The following PINK1 variants were observed in gnomAD, a reference collection of about 807,000 sequenced individuals.
The protein encoded by PINK1 is PTEN induced kinase 1.
In PINK1, 58 loss-of-function variants were observed where a neutral mutation model predicts 56.0. That is an observed-to-expected ratio of 1.04 (90% CI 0.84 to 1.29). The LOEUF is 1.29. Among genes scored for constraint, PINK1 ranks in the 50% most tolerant of loss-of-function variants. PINK1 has a pLI of 0.00. For missense variants in PINK1, 745 were observed against 777.9 expected (o/e 0.96, Z 0.50); for synonymous variants, 354 against 339.3 (o/e 1.04, Z -0.48).
At position 20,644,413 on chromosome 1, in the gene PINK1, G is replaced by C; in HGVS notation, c.777-77G>C. The C allele has an allele frequency of 2.1e-6, 3 of 1,427,932 alleles. No homozygotes were observed. In the Admixed American group the frequency reaches 5.0e-5, roughly 24 times the overall value. The allele number at this position is 1,427,932 out of a possible 1,614,324, so 88.5% of individuals were successfully genotyped here. A position where few individuals can be genotyped will look rare whatever the true frequency, so the allele number is the denominator to read the frequency against. The stretch of plus-strand genomic sequence containing the variant: ...AATAATGAATGTCAGTGCCAGTGTT[G>C]GTGTGGCCTTAGGTTATTCTTTCCA... On this transcript the variant is annotated intron_variant, in intron 3 of 7. Coordinates refer to ENST00000321556, the MANE Select transcript of PINK1 (RefSeq NM_032409.3).
chr1:20,650,674 T>C lies in PINK1; in HGVS notation c.1729T>C (p.Trp577Arg), dbSNP rs747133533. 1.9e-5 allele frequency: 30 copies of C among 1,613,814 alleles called. No individual in the cohort carries two copies. Among genetic ancestry groups the C allele is most frequent in the Middle Eastern group, 1.6e-4 (1 of 6,084 alleles). ...LCQAALLLCS[W>R]RAAL The stretch of plus-strand genomic sequence containing the variant: ...CCAGGCAGCCCTCCTCCTCTGCTCA[T>C]GGAGGGCAGCCCTGTGATGTCCCTG... The change falls in exon 8 of 8, where the codon TGG becomes CGG. Residue 577 changes from tryptophan to arginine, a missense_variant. Trp to Arg is a moderately radical substitution (Grantham distance 101, BLOSUM62 -3). Coordinates refer to ENST00000321556, the MANE Select transcript of PINK1 (RefSeq NM_032409.3).
At chr1:20,639,419 A>C in intron 2 of PINK1, 1 of 251,288 alleles carries the variant, frequency 4.0e-6, no homozygotes, top group East Asian at 8.9e-5. Context: ...TGCTTTCCCC[A>C]CTCTTTGGTT....
rs1179973655 is a variant in PINK1 at position 20,650,509 on chromosome 1, C to G, written c.1564C>G (p.Leu522Val). The G allele has an allele frequency of 6.2e-7, 1 of 1,614,216 alleles. No homozygotes were observed. Among genetic ancestry groups the G allele is most frequent in the African/African-American group, 1.3e-5 (1 of 75,048 alleles). ...WGEHILALKN[L>V]KLDKMVGWLL... ...TGAACATATTCTAGCCCTGAAGAAT[C>G]TGAAGTTAGACAAGATGGTTGGCTG... The change falls in exon 8 of 8, where the codon CTG becomes GTG. Residue 522 changes from leucine to valine, a missense_variant. By Grantham distance (32) the Leu-to-Val change is conservative. Coordinates refer to ENST00000321556, the MANE Select transcript of PINK1 (RefSeq NM_032409.3).
At position 20,633,676 on chromosome 1, in the gene PINK1, G is replaced by T; in HGVS notation, c.128G>T (p.Gly43Val). 4 of 1,393,096 alleles carry T rather than the reference G, an allele frequency of 2.9e-6. No individual in the cohort carries two copies. Among genetic ancestry groups the T allele is most frequent in the Non-Finnish European group, 3.7e-6 (4 of 1,082,040 alleles). 86.3% of individuals were successfully genotyped at this position (1,393,096 alleles called of 1,614,324 possible). ...GGCCCGGCGGCGGGCTGTGTCCGCG[G>T]GGAGCGTCCAGGCTGGGCCGCAGGA... ...RPGPAAGCVR[G>V]ERPGWAAGPG... The change falls in exon 1 of 8, where the codon GGG becomes GTG. Residue 43 changes from glycine (G) to valine (V), a missense_variant. Transcript: ENST00000321556.
At chr1:20,637,819 G>A (rs1225294263) in intron 1 of PINK1, 23 bp from the exon 2 acceptor site, 20 of 1,613,014 alleles carry the variant, frequency 1.2e-5, no homozygotes, top group African/African-American at 1.1e-4. Flanking sequence ...CCTGGCTCAC[G>A]GTGCATTCTT....
chr1:20,645,246 T>G (rs1374523743), intron 4 of PINK1, among the ~76,000 whole-genome samples: 2 of 152,166 alleles, frequency 1.3e-5, no homozygotes, highest in Admixed American at 6.5e-5. Context: ...CCCAGCACTT[T>G]GGAAGGCGGA....
At chr1:20,646,691 C>T (rs1570405808) in intron 5 of PINK1, among the ~76,000 whole-genome samples, 1 of 151,818 alleles carries the variant, frequency 6.6e-6, no homozygotes, top group African/African-American at 2.4e-5. Context: ...GAAAGCTGTC[C>T]AAATGTAAGC....
chr1:20,647,516 G>A (rs1184645824), intron 5 of PINK1, among the ~76,000 whole-genome samples: 1 of 137,312 alleles, frequency 7.3e-6, no homozygotes, highest in Non-Finnish European at 1.5e-5. Flanking sequence ...TGTCGCCCAG[G>A]CTGGAGTGCA....
rs781109505 is a variant in PINK1, at chr1:20,637,821, TG to T, written c.388-20del. On this transcript the variant is annotated intron_variant, in intron 1 of 7. Transcript: ENST00000321556. ...CCTTCCTAGGCTCCCTGGCTCACGGTGCATTCTTTTCTCATCACAGGCAATT... is the reference window on the plus strand; with the variant it reads ...CCTTCCTAGGCTCCCTGGCTCACGGTCATTCTTTTCTCATCACAGGCAATT... The T allele has an allele frequency of 6.2e-7, 1 of 1,613,356 alleles. No individual in the cohort carries two copies. The highest frequency in any genetic ancestry group is 1.1e-5 in the South Asian group (1 of 91,030).
At chr1:20,642,058 G>T (rs945370795) in intron 3 of PINK1, among the ~76,000 whole-genome samples, 1 of 152,210 alleles carries the variant, frequency 6.6e-6, no homozygotes, top group African/African-American at 2.4e-5. Flanking sequence ...TAGAACAGGG[G>T]CCACTCAGGT....
chr1:20,633,566 G>T lies in PINK1; in HGVS notation c.18G>T (p.Ala6=), dbSNP rs1297865995. The T allele has an allele frequency of 9.2e-6, 11 of 1,190,256 alleles. No homozygotes were observed. The East Asian group carries it at 1.5e-4, about 16-fold the overall frequency. 73.7% of individuals were successfully genotyped at this position (1,190,256 alleles called of 1,614,324 possible). MAVRQ[A]LGRGLQLGRA... ...GCGCCACCATGGCGGTGCGACAGGC[G>T]CTGGGCCGCGGCCTGCAGCTGGGTC... The change falls in exon 1 of 8, where the codon GCG becomes GCT. Residue 6 remains alanine (A), a synonymous_variant. Transcript: ENST00000321556.
At chr1:20,638,255 A>G in intron 2 of PINK1, 126 bp downstream of exon 2, 3 of 1,144,940 alleles carry the variant, frequency 2.6e-6, no homozygotes, top group Non-Finnish European at 3.7e-6. Flanking sequence ...AGGTGCCTGT[A>G]TAGTCAGGTT....
Position 20,633,751 on chromosome 1 carries a change from G to T in PINK1, c.203G>T (p.Arg68Leu). The T allele has an allele frequency of 6.5e-7, 1 of 1,545,994 alleles. No individual in the cohort carries two copies. ...RVGLGLPNRLRFFRQSVAGLA... is the reference protein window; with the variant it reads ...RVGLGLPNRLLFFRQSVAGLA... Reference sequence around the variant, plus strand: ...GGGCTCGGGCTCCCTAACCGTCTCCGCTTCTTCCGCCAGTCGGTGGCCGGG... The same window carrying T: ...GGGCTCGGGCTCCCTAACCGTCTCCTCTTCTTCCGCCAGTCGGTGGCCGGG... Residue 68 changes from arginine (R) to leucine (L), a missense_variant, in exon 1 of 8, where the codon CGC (arginine) becomes CTC (leucine). Transcript: ENST00000321556.
Position 20,637,928 on chromosome 1 carries a change from A to G in PINK1, c.474A>G (p.Ile158Met), listed in dbSNP as rs374204111. Residue 158 changes from isoleucine to methionine, a missense_variant, in exon 2 of 8, where the codon ATA (isoleucine) becomes ATG (methionine). By Grantham distance (10) the Ile-to-Met change is conservative. Coordinates refer to ENST00000321556, the MANE Select transcript of PINK1 (RefSeq NM_032409.3). ...LQGFRLEEYL[I>M]GQSIGKGCSA... ...GCTTTCGGCTGGAGGAGTATCTGAT[A>G]GGGCAGTCCATTGGTAAGGGCTGCA... 8.1e-6 allele frequency: 13 copies of G among 1,614,092 alleles called. No homozygotes were observed. The African/African-American group carries it at 1.5e-4, about 18-fold the overall frequency.
intron 3 of PINK1, 105 bp from the exon 4 acceptor site, chr1:20,644,385 G>T: frequency 7.9e-7 from 1 of 1,266,590 alleles, no homozygotes; most frequent in East Asian, 2.3e-5. Flanking sequence ...TTGATAGTAA[G>T]TGAATAATGA....
In PINK1 at chr1:20,645,452, G is replaced by GCA. The variant is rs1346902376; in HGVS notation, c.960-106_960-105dup. 4.5e-5 allele frequency: 57 copies of GCA among 1,270,550 alleles called. 1 individual carries two copies. The highest frequency in any genetic ancestry group is 6.3e-5 in the Non-Finnish European group (57 of 910,052). 78.7% of individuals were successfully genotyped at this position (1,270,550 alleles called of 1,614,324 possible). ...TGCAGTGAGCCAAGATCGTGCTACT[G>GCA]CACTCCAGCTTGGCGACAGAGTGAG... On this transcript the variant is annotated intron_variant, in intron 4 of 7. Coordinates refer to ENST00000321556, the MANE Select transcript of PINK1 (RefSeq NM_032409.3).
chr1:20,650,410 C>G, intron 7 of PINK1, 24 bp from the exon 8 acceptor site: 1 of 1,613,364 alleles, frequency 6.2e-7, no homozygotes, highest in Non-Finnish European at 8.5e-7. Flanking sequence ...GATGTTCTAG[C>G]TACAGCTTCC....
At chr1:20,646,606 T>G (rs2053184556) in intron 5 of PINK1, among the ~76,000 whole-genome samples, 1 of 151,898 alleles carries the variant, frequency 6.6e-6, no homozygotes, top group Non-Finnish European at 1.5e-5. Context: ...ATTGTGCCAC[T>G]GCATTCCAGC....
chr1:20,647,095 C>T (rs1165030215), intron 5 of PINK1, among the ~76,000 whole-genome samples: 17 of 130,824 alleles, frequency 1.3e-4, no homozygotes, highest in African/African-American at 4.6e-4. Flanking sequence ...CTCGCTCTGT[C>T]ACCCAGGCTG....
Sources: gnomAD v4.1 joint callset for allele counts (sites outside exome capture counted in the v4.1 genomes callset) on GRCh38, gnomAD v4.1.1 for gene constraint, MANE v1.5 for transcripts, NCBI Gene and HGNC (gene_info 2026-07-23, HGNC 2026-07-21) for gene names.